Variants in HIP1 observed in about 807,000 individuals in gnomAD.
HIP1 encodes huntingtin interacting protein 1, also known as huntingtin-interacting protein 1.
In HIP1, 65 loss-of-function variants were observed where a neutral mutation model predicts 147.6. That is an observed-to-expected ratio of 0.44 (90% CI 0.36 to 0.54). The LOEUF (loss-of-function observed/expected upper bound fraction) is 0.54. Among genes scored for constraint, HIP1 ranks in the 20% least tolerant of loss-of-function variants. HIP1 has a pLI of 0.00. For missense variants in HIP1, 1,061 were observed against 1,299.6 expected (o/e 0.82, Z 2.82); for synonymous variants, 479 against 504.0 (o/e 0.95, Z 0.67).
chr7:75,554,421 T>C lies in HIP1; in HGVS notation c.2050+19A>G. 2 of 1,600,044 alleles carry C rather than the reference T, an allele frequency of 1.2e-6. No homozygotes were observed. The highest frequency in any genetic ancestry group is 1.7e-6 in the Non-Finnish European group (2 of 1,167,298). ...CTGGCCATCACTAGCCGACAGAGAC[T>C]GTCCTTGGCCATTCTTACCTTCTGG... On this transcript the variant is annotated intron_variant, in intron 20 of 30. Coordinates refer to ENST00000336926, the MANE Select transcript of HIP1 (RefSeq NM_005338.7).
intron 1 of HIP1, among the ~76,000 whole-genome samples, chr7:75,640,689 G>T (rs542754465): frequency 6.6e-6 from 1 of 151,628 alleles, no homozygotes; most frequent in East Asian, 2.0e-4. Context: ...GGAGGCAGAG[G>T]TTGCAATGAG....
Position 75,558,187 on chromosome 7 carries a change from G to T in HIP1, c.1444C>A (p.His482Asn), listed in dbSNP as rs1554493825. Residue 482 changes from histidine to asparagine, a missense_variant, in exon 15 of 31, where the codon CAC (histidine) becomes AAC (asparagine). Physicochemically the swap from His to Asn is moderately conservative, Grantham distance 68. This residue lies in a region of HIP1 where 810 missense variants were observed against 946.8 expected (regional missense o/e 0.86). Transcript: ENST00000336926. ...CTTACCTTCCGCAGCAGGTCAGCGT[G>T]GTTCTGAACCAGCTCGCTGTACTTC... ...KEKYSELVQN[H>N]ADLLRKNAEV... The T allele has an allele frequency of 6.2e-7, 1 of 1,613,840 alleles. No homozygotes were observed. The highest frequency in any genetic ancestry group is 1.3e-5 in the African/African-American group (1 of 74,938).
intron 1 of HIP1, among the ~76,000 whole-genome samples, chr7:75,722,129 C>A (rs184296256): frequency 0.012 from 1,747 of 148,074 alleles, 36 homozygotes; most frequent in African/African-American, 0.041. Flanking sequence ...CATAGTGAGA[C>A]CCCCCCACGT....
At chr7:75,641,440 G>C (rs1798651652) in intron 1 of HIP1, among the ~76,000 whole-genome samples, 1 of 150,084 alleles carries the variant, frequency 6.7e-6, no homozygotes, top group Admixed American at 6.6e-5. Flanking sequence ...TATTTTATTT[G>C]TTTTTTCTTT....
In HIP1 at chr7:75,554,501, G is replaced by A. The variant is rs782670294; in HGVS notation, c.1989C>T (p.Ser663=). 1 of 1,613,862 alleles carries A rather than the reference G, an allele frequency of 6.2e-7. No individual in the cohort carries two copies. Among genetic ancestry groups the A allele is most frequent in the Non-Finnish European group, 8.5e-7 (1 of 1,179,870 alleles). Residue 663 remains serine, a synonymous_variant, in exon 20 of 31, where the codon TCC becomes TCT. Coordinates refer to ENST00000336926, the MANE Select transcript of HIP1 (RefSeq NM_005338.7). ...CCAGTTGCTCGATGCAGCTGGAAAT[G>A]GATGTGACCGTGGAGAGGAGGTGAT... ...SADHLLSTVT[S]ISSCIEQLEK...
At chr7:75,681,744 C>T (rs1051666352) in intron 1 of HIP1, among the ~76,000 whole-genome samples, 33 of 151,844 alleles carry the variant, frequency 2.2e-4, no homozygotes, top group Middle Eastern at 3.4e-3. Flanking sequence ...TGGCCTTAAG[C>T]GATTCTCCCA....
intron 1 of HIP1, among the ~76,000 whole-genome samples, chr7:75,705,509 A>G (rs1282469906): frequency 6.6e-6 from 1 of 152,048 alleles, no homozygotes; most frequent in Non-Finnish European, 1.5e-5. Flanking sequence ...CTGGGATTAC[A>G]GGTGCCCACC....
chr7:75,628,281 T>C lies in HIP1; in HGVS notation c.121-29034A>G, dbSNP rs139970277. Among the ~76,000 whole-genome samples the C allele has an allele frequency of 4.0e-3, 605 of 152,232 alleles. 9 individuals carry two copies. Among genetic ancestry groups the C allele is most frequent in the Middle Eastern group, 6.8e-3 (2 of 294 alleles). On this transcript the variant is annotated intron_variant, in intron 1 of 30. Transcript: ENST00000336926. ...ACAGCACCTGGCATATGGAAGACAC[T>C]CTATAAATCTTTTCTGAATAAATGA... is the stretch of plus-strand genomic sequence containing the variant.
At chr7:75,646,031 C>T (rs1472558349) in intron 1 of HIP1, among the ~76,000 whole-genome samples, 1 of 152,162 alleles carries the variant, frequency 6.6e-6, no homozygotes, top group Non-Finnish European at 1.5e-5. Context: ...ACCTTAGCAT[C>T]ACACAATATA....
chr7:75,628,238 G>A (rs1263937759), intron 1 of HIP1, among the ~76,000 whole-genome samples: 2 of 152,136 alleles, frequency 1.3e-5, no homozygotes, highest in Non-Finnish European at 2.9e-5. Context: ...GTTCAGTGAA[G>A]TATCCCAAGT....
At chr7:75,552,299 C>G (rs1794814226) in intron 22 of HIP1, among the ~76,000 whole-genome samples, 1 of 152,148 alleles carries the variant, frequency 6.6e-6, no homozygotes. Context: ...TCCATAGAGT[C>G]CATGTCTTCT....
intron 1 of HIP1, among the ~76,000 whole-genome samples, chr7:75,639,767 G>A (rs528314709): frequency 1.3e-5 from 2 of 152,124 alleles, no homozygotes; most frequent in African/African-American, 2.4e-5. Flanking sequence ...CTCCCCACTT[G>A]GCTTCCCTGG....
At chr7:75,666,638 C>T (rs1180920334) in intron 1 of HIP1, among the ~76,000 whole-genome samples, 3 of 152,126 alleles carry the variant, frequency 2.0e-5, no homozygotes, top group Non-Finnish European at 4.4e-5. Context: ...TTAGATAGAG[C>T]GGGTGTTACT....
chr7:75,731,069 G>A (rs563014669), intron 1 of HIP1, among the ~76,000 whole-genome samples: 20 of 152,046 alleles, frequency 1.3e-4, no homozygotes, highest in Non-Finnish European at 2.6e-4. Context: ...CCATCACTGG[G>A]AAGAAACTCA....
intron 1 of HIP1, among the ~76,000 whole-genome samples, chr7:75,676,037 G>C (rs564439386): frequency 3.3e-5 from 5 of 152,158 alleles, no homozygotes; most frequent in Admixed American, 1.3e-4. Context: ...TTCAAAACCG[G>C]ACATTTCAAA....
At chr7:75,657,477 C>T (rs10046533) in intron 1 of HIP1, among the ~76,000 whole-genome samples, 1 of 149,812 alleles carries the variant, frequency 6.7e-6, no homozygotes, top group African/African-American at 2.5e-5. Flanking sequence ...TTGCAGTGAG[C>T]CGAGATCCCG....
chr7:75,679,014 G>A (rs999693533), intron 1 of HIP1, among the ~76,000 whole-genome samples: 6 of 152,068 alleles, frequency 3.9e-5, no homozygotes, highest in African/African-American at 7.2e-5. Flanking sequence ...CTCTCTCTCC[G>A]TTTATCCTCA....
chr7:75,630,133 C>T (rs763281065), intron 1 of HIP1, among the ~76,000 whole-genome samples: 27 of 149,064 alleles, frequency 1.8e-4, no homozygotes, highest in Non-Finnish European at 3.1e-4. Context: ...CACTGCATTC[C>T]AGCCTCAGGG....
In HIP1 at chr7:75,647,211, C is replaced by CAAAAAAAAAAAAAAA. The variant is rs60972195; in HGVS notation, c.121-47979_121-47965dup. Among the ~76,000 whole-genome samples the CAAAAAAAAAAAAAAA allele has an allele frequency of 3.6e-4, 21 of 58,002 alleles. 5 individuals are homozygous for CAAAAAAAAAAAAAAA. Among genetic ancestry groups the CAAAAAAAAAAAAAAA allele is most frequent in the East Asian group, 1.3e-3 (2 of 1,538 alleles). 38.1% of individuals were successfully genotyped at this position (58,002 alleles called of 152,430 possible). A position where few individuals can be genotyped will look rare whatever the true frequency, so the allele number is the denominator to read the frequency against. ...CGAAACCCCATCTCTACTAAAAATA[C>CAAAAAAAAAAAAAAA]AAAAAAAAAAAAAAAAAAAAAAAAA... On this transcript the variant is annotated intron_variant, in intron 1 of 30. Coordinates refer to ENST00000336926, the MANE Select transcript of HIP1 (RefSeq NM_005338.7).
Sources: gnomAD v4.1 joint callset for allele counts (sites outside exome capture counted in the v4.1 genomes callset) on GRCh38, gnomAD v4.1.1 for gene constraint, gnomAD v4.1.1 regional missense constraint, MANE v1.5 for transcripts, NCBI Gene and HGNC (gene_info 2026-07-23, HGNC 2026-07-21) for gene names.